PREP: variants seen among roughly 807,000 people sequenced by gnomAD.
The protein encoded by PREP is dJ355L5.1 (prolyl endopeptidase).
In PREP, 29 loss-of-function variants were observed where a neutral mutation model predicts 87.6. That is an observed-to-expected ratio of 0.33 (90% CI 0.25 to 0.45). PREP has a LOEUF of 0.45. Ranked by LOEUF, PREP falls within the 20% of genes least tolerant of loss-of-function variation. The probability of loss-of-function intolerance (pLI) is 1.00; values close to 1 mark genes in which losing one functional copy is unlikely to be tolerated. For synonymous variants in PREP, 337 were observed against 328.6 expected, an observed-to-expected ratio of 1.03 and a Z score of -0.28; for missense variants, 695 against 886.5, an observed-to-expected ratio of 0.78 and a Z score of 2.74.
intron 6 of PREP, among the ~76,000 whole-genome samples, chr6:105,355,550 G>A (rs968770687): frequency 4.6e-5 from 7 of 152,136 alleles, no homozygotes; most frequent in African/African-American, 1.7e-4. Flanking sequence ...TTGGCTTTCT[G>A]AACGTTGATT....
At chr6:105,303,310 CT>C (rs1389777111) in intron 10 of PREP, among the ~76,000 whole-genome samples, 2 of 151,934 alleles carry the variant, frequency 1.3e-5, no homozygotes, top group Non-Finnish European at 2.9e-5. Context: ...AGCAATCCTC[CT>C]GCCTGGGCCT....
chr6:105,353,060 G>A lies in PREP; in HGVS notation c.735C>T (p.Arg245=). 1 of 1,613,564 alleles carries A rather than the reference G, an allele frequency of 6.2e-7. No individual in the cohort carries two copies. The highest frequency in any genetic ancestry group is 8.5e-7 in the Non-Finnish European group (1 of 1,179,660). The change falls in exon 7 of 15, where the codon CGC becomes CGT. Residue 245 remains arginine (R), a synonymous_variant. Transcript: ENST00000652536. ...MGGAELSDDG[R]YVLLSIREGC... ...CTTCCCTTATTGATAACAAGACATAGCGGCCATCATCAGATAACTAAAAAA... is the reference window on the plus strand; with the variant it reads ...CTTCCCTTATTGATAACAAGACATAACGGCCATCATCAGATAACTAAAAAA...
chr6:105,372,275 G>A (rs1159198904), intron 5 of PREP, among the ~76,000 whole-genome samples: 1 of 152,116 alleles, frequency 6.6e-6, no homozygotes, highest in African/African-American at 2.4e-5. Context: ...GTCATGATAA[G>A]GGGACAACAG....
At chr6:105,322,859 G>C in intron 10 of PREP, 1 of 1,168,734 alleles carries the variant, frequency 8.6e-7, no homozygotes, top group African/African-American at 1.6e-5. Flanking sequence ...AATTCACCAA[G>C]CTATAATAAT....
chr6:105,335,810 G>A (rs748342890), intron 7 of PREP, among the ~76,000 whole-genome samples: 3 of 151,866 alleles, frequency 2.0e-5, no homozygotes, highest in African/African-American at 4.8e-5. Context: ...GGAGAATGGC[G>A]TGAACCCGGG....
At chr6:105,353,198 T>C in intron 6 of PREP, 121 bp from the exon 7 acceptor site, 1 of 665,728 alleles carries the variant, frequency 1.5e-6, no homozygotes, top group South Asian at 2.3e-5. Context: ...TGCCCCAAAC[T>C]CATGATCTGA....
At chr6:105,287,098 T>C (rs993310603) in intron 11 of PREP, among the ~76,000 whole-genome samples, 1 of 152,070 alleles carries the variant, frequency 6.6e-6, no homozygotes, top group Admixed American at 6.5e-5. Context: ...ATTTATCGTC[T>C]TGCTTTTTTT....
In PREP at chr6:105,276,020, A is replaced by C. The variant is rs910625900; in HGVS notation, c.*2124T>G. Among the ~76,000 whole-genome samples the C allele has an allele frequency of 2.0e-5, 3 of 152,232 alleles. No homozygotes were observed. The highest frequency in any genetic ancestry group is 4.8e-5 in the African/African-American group (2 of 41,456). The stretch of plus-strand genomic sequence containing the variant: ...TCAAAATAGCTAGAAGAGAGTAATC[A>C]TAAGAAAGAGCCAAAGGGCAGAGCA... On this transcript the variant is annotated 3_prime_UTR_variant, in exon 15 of 15. Transcript: ENST00000652536.
Position 105,277,943 on chromosome 6 carries a change from G to A in PREP, c.*201C>T. The A allele has an allele frequency of 1.3e-6, 1 of 749,514 alleles. No individual in the cohort carries two copies. Among genetic ancestry groups the A allele is most frequent in the South Asian group, 1.9e-5 (1 of 53,326 alleles). The allele number at this position is 749,514 out of a possible 1,614,324, so 46.4% of individuals were successfully genotyped here. A position where few individuals can be genotyped will look rare whatever the true frequency, so the allele number is the denominator to read the frequency against. On this transcript the variant is annotated 3_prime_UTR_variant, in exon 15 of 15. Coordinates refer to ENST00000652536, the MANE Select transcript of PREP (RefSeq NM_002726.5). ...AAAACCACATGTGCCTAGACAGGGT[G>A]GAAAAAGAAACACCAAGGCCTTGCT...
At chr6:105,347,086 T>C (rs1583071654) in intron 7 of PREP, among the ~76,000 whole-genome samples, 1 of 152,278 alleles carries the variant, frequency 6.6e-6, no homozygotes, top group East Asian at 1.9e-4. Context: ...GTCAGCTCCT[T>C]TTTTGCTGCT....
chr6:105,384,927 AC>A (rs1772946560), intron 2 of PREP, among the ~76,000 whole-genome samples: 1 of 152,220 alleles, frequency 6.6e-6, no homozygotes, highest in Admixed American at 6.5e-5. Flanking sequence ...AGGCACTTAT[AC>A]CCTGAACCCC....
intron 10 of PREP, among the ~76,000 whole-genome samples, chr6:105,308,798 G>C (rs950474991): frequency 6.6e-6 from 1 of 152,146 alleles, no homozygotes; most frequent in Admixed American, 6.5e-5. Context: ...ACACAGCAGT[G>C]GGGAAAACCA....
chr6:105,355,863 A>G (rs978027782), intron 6 of PREP, among the ~76,000 whole-genome samples: 3 of 152,194 alleles, frequency 2.0e-5, no homozygotes, highest in Non-Finnish European at 4.4e-5. Context: ...CTATAAACAG[A>G]TAATTTTTCA....
chr6:105,328,405 G>A (rs757086426), intron 9 of PREP, among the ~76,000 whole-genome samples: 4 of 151,888 alleles, frequency 2.6e-5, no homozygotes, highest in African/African-American at 7.3e-5. Context: ...CTATAGGCAC[G>A]CGCCACCATG....
chr6:105,388,251 T>G (rs1418295087), intron 2 of PREP, among the ~76,000 whole-genome samples: 1 of 152,158 alleles, frequency 6.6e-6, no homozygotes, highest in Admixed American at 6.6e-5. Context: ...CTCCTTCTGT[T>G]GGGATACCAT....
intron 6 of PREP, among the ~76,000 whole-genome samples, chr6:105,356,750 A>G (rs1014356660): frequency 1.3e-5 from 2 of 152,270 alleles, no homozygotes; most frequent in Admixed American, 6.5e-5. Context: ...TGCTTTGTCT[A>G]TTTTGCATAG....
At chr6:105,295,309 G>C (rs887723906) in intron 10 of PREP, among the ~76,000 whole-genome samples, 1 of 151,680 alleles carries the variant, frequency 6.6e-6, no homozygotes, top group African/African-American at 2.4e-5. Context: ...AAGGAGGATC[G>C]CCCTGTCTTG....
chr6:105,370,114 G>A (rs1213810267), intron 5 of PREP, among the ~76,000 whole-genome samples: 1 of 151,632 alleles, frequency 6.6e-6, no homozygotes, highest in African/African-American at 2.4e-5. Flanking sequence ...TAGCCGGGTG[G>A]GGTGGCATGC....
chr6:105,376,772 C>T (rs940077916), intron 3 of PREP, among the ~76,000 whole-genome samples: 2 of 152,064 alleles, frequency 1.3e-5, no homozygotes, highest in African/African-American at 2.4e-5. Context: ...ATACGTAAAC[C>T]GATAAGCATG....
Sources: gnomAD v4.1 joint callset for allele counts (sites outside exome capture counted in the v4.1 genomes callset) on GRCh38, gnomAD v4.1.1 for gene constraint, MANE v1.5 for transcripts, NCBI Gene and HGNC (gene_info 2026-07-23, HGNC 2026-07-21) for gene names.